C13orf46: variants seen among roughly 807,000 people sequenced by gnomAD.
C13orf46 encodes the protein uncharacterized protein C13orf46.
At chr13:113,933,456 C>T in the C13orf46 span, among the ~76,000 whole-genome samples, 1 of 152,078 alleles carries the variant, frequency 6.6e-6, no homozygotes, top group Non-Finnish European at 1.5e-5. Context: ...CAACTCTGTT[C>T]TTTTTTATGC....
the C13orf46 span, among the ~76,000 whole-genome samples, chr13:113,942,059 G>A: frequency 6.6e-6 from 1 of 152,236 alleles, no homozygotes; most frequent in African/African-American, 2.4e-5. Context: ...GAAGGTCACA[G>A]GGGCCAACAT....
At chr13:113,949,617 C>A (rs2052481307), downstream of C13orf46, among the ~76,000 whole-genome samples, 1 of 152,238 alleles carries the variant, frequency 6.6e-6, no homozygotes, top group Non-Finnish European at 1.5e-5. Flanking sequence ...TCCCCTCTTG[C>A]AGGGAGAACA....
At chr13:113,962,502 GGA>G (rs1249696473) in intron 6 of C13orf46, among the ~76,000 whole-genome samples, 1 of 152,232 alleles carries the variant, frequency 6.6e-6, no homozygotes, top group Non-Finnish European at 1.5e-5. Context: ...CCACGGCTGA[GGA>G]CTCTCGGCCT....
At chr13:113,951,282 C>T (rs2052487659), downstream of C13orf46, among the ~76,000 whole-genome samples, 1 of 152,206 alleles carries the variant, frequency 6.6e-6, no homozygotes, top group African/African-American at 2.4e-5. Context: ...GAGCCCTCAG[C>T]ACCGGGGCCC....
the C13orf46 span, among the ~76,000 whole-genome samples, chr13:113,936,396 C>A: frequency 6.6e-6 from 1 of 152,152 alleles, no homozygotes; most frequent in Non-Finnish European, 1.5e-5. Flanking sequence ...AAATCCTGGC[C>A]GCCTTCCCTT....
chr13:113,972,376 A>G (rs2052716713), intron 1 of C13orf46, among the ~76,000 whole-genome samples: 1 of 152,122 alleles, frequency 6.6e-6, no homozygotes, highest in South Asian at 2.1e-4. Context: ...TTTTTACATC[A>G]TTACCTCTTA....
chr13:113,960,269 G>A (rs2052577026), intron 6 of C13orf46, among the ~76,000 whole-genome samples: 1 of 151,868 alleles, frequency 6.6e-6, no homozygotes, highest in African/African-American at 2.4e-5. Flanking sequence ...AAAAAAGATT[G>A]AGCTTTGATA....
the C13orf46 span, among the ~76,000 whole-genome samples, chr13:113,938,907 T>TG: frequency 6.6e-6 from 1 of 152,012 alleles, no homozygotes; most frequent in African/African-American, 2.4e-5. Context: ...GGAAGCCTCC[T>TG]GGCCCCAGGA....
chr13:113,945,666 AAG>A, the C13orf46 span, among the ~76,000 whole-genome samples: 10 of 136,942 alleles, frequency 7.3e-5, no homozygotes, highest in African/African-American at 2.5e-4. Context: ...GAAAGAAAGA[AAG>A]AAAGGAAAGA....
chr13:113,967,846 C>A (rs1209812841), intron 4 of C13orf46, among the ~76,000 whole-genome samples: 3 of 152,124 alleles, frequency 2.0e-5, no homozygotes, highest in Admixed American at 6.5e-5. Context: ...AGCAGGAGAC[C>A]CCCCCCGGGA....
the C13orf46 span, among the ~76,000 whole-genome samples, chr13:113,946,384 G>C: frequency 6.6e-6 from 1 of 152,200 alleles, no homozygotes; most frequent in East Asian, 1.9e-4. Context: ...CTCTGTGGTG[G>C]GGCATCCTGG....
chr13:113,968,072 T>G (rs1458783107), intron 4 of C13orf46, among the ~76,000 whole-genome samples: 2 of 152,124 alleles, frequency 1.3e-5, no homozygotes, highest in African/African-American at 4.8e-5. Flanking sequence ...ACCACACAGC[T>G]TGGAGGGAGA....
At chr13:113,934,126 G>A in the C13orf46 span, among the ~76,000 whole-genome samples, 3 of 152,156 alleles carry the variant, frequency 2.0e-5, no homozygotes, top group Non-Finnish European at 4.4e-5. Context: ...TTATGGGAAC[G>A]GAGTGCGGAA....
the C13orf46 span, among the ~76,000 whole-genome samples, chr13:113,939,916 C>T: frequency 6.6e-5 from 10 of 152,212 alleles, no homozygotes; most frequent in Non-Finnish European, 1.0e-4. Flanking sequence ...ATCAAGAAAC[C>T]GGGTGCCAGG....
the C13orf46 span, among the ~76,000 whole-genome samples, chr13:113,939,222 C>T: frequency 6.6e-6 from 1 of 152,210 alleles, no homozygotes; most frequent in Non-Finnish European, 1.5e-5. Context: ...ACGTTCCAGC[C>T]AAGGGCTGCA....
At chr13:113,937,329 G>C in the C13orf46 span, among the ~76,000 whole-genome samples, 5 of 152,182 alleles carry the variant, frequency 3.3e-5, no homozygotes, top group African/African-American at 9.7e-5. Flanking sequence ...AGTCCACATC[G>C]TGGCCACGTA....
At position 113,955,296 on chromosome 13, in the gene C13orf46, TAGTATCTGGCAGAGAGG is replaced by T. The variant is rs1240395972; in HGVS notation, c.*1460_*1476del. 4 of 72,706 alleles carry T rather than the reference TAGTATCTGGCAGAGAGG, an allele frequency of 5.5e-5. No individual in the cohort carries two copies. The highest frequency in any genetic ancestry group is 2.5e-5 in the Non-Finnish European group (1 of 40,082). 4.5% of individuals were successfully genotyped at this position (72,706 alleles called of 1,614,324 possible). On this transcript the variant is annotated 3_prime_UTR_variant, in exon 7 of 7. Coordinates refer to ENST00000636427, the MANE Select transcript of C13orf46 (RefSeq NM_001365455.2). ...AGGAGTAGTATCTGGCGGAGAGGAG[TAGTATCTGGCAGAGAGG>T]AGTAGTATCTGGTGGAGAGGAGGAG...
At chr13:113,939,473 CG>C in the C13orf46 span, among the ~76,000 whole-genome samples, 6 of 151,738 alleles carry the variant, frequency 4.0e-5, no homozygotes, top group Admixed American at 6.6e-5. Flanking sequence ...GCCACCTGGA[CG>C]GGGGGAACGG....
chr13:113,934,819 GCC>G, the C13orf46 span, among the ~76,000 whole-genome samples: 1 of 152,216 alleles, frequency 6.6e-6, no homozygotes, highest in Admixed American at 6.5e-5. Flanking sequence ...CCTCTAACGG[GCC>G]CCACTTGGTA....
Sources: allele counts gnomAD v4.1 joint callset (sites outside exome capture counted in the v4.1 genomes callset), GRCh38; gene constraint gnomAD v4.1.1; transcripts MANE v1.5; gene names NCBI Gene and HGNC (gene_info 2026-07-23, HGNC 2026-07-21).